STRN3: variants seen among roughly 807,000 people sequenced by gnomAD.
STRN3 encodes striatin-3.
A neutral mutation model predicts 95.6 loss-of-function variants in STRN3; 29 were observed. The observed-to-expected ratio is 0.30, with a 90% CI of 0.23 to 0.41. The LOEUF (loss-of-function observed/expected upper bound fraction) is 0.41. Ranked by LOEUF, STRN3 falls within the 10% of genes least tolerant of loss-of-function variation. The pLI is 1.00. For synonymous variants in STRN3, 331 were observed against 357.6 expected (o/e 0.93, Z 0.84); for missense variants, 890 against 972.1 (o/e 0.92, Z 1.12).
At chr14:30,984,137 A>ACCCCCCCCCCCCCC (rs1555324188) in intron 1 of STRN3, among the ~76,000 whole-genome samples, 3 of 56,142 alleles carry the variant, frequency 5.3e-5, no homozygotes, top group Admixed American at 3.3e-4. Context: ...GCCCCCCCCA[A>ACCCCCCCCCCCCCC]CCCCCCCCCA....
At chr14:30,957,669 T>C (rs1879988241) in intron 1 of STRN3, among the ~76,000 whole-genome samples, 1 of 152,188 alleles carries the variant, frequency 6.6e-6, no homozygotes, top group African/African-American at 2.4e-5. Context: ...TTTATCCTTA[T>C]TTCCTGAAAA....
intron 1 of STRN3, among the ~76,000 whole-genome samples, chr14:31,002,189 CA>C (rs1280490849): frequency 1.1e-5 from 1 of 92,642 alleles, no homozygotes; most frequent in South Asian, 4.7e-4. Flanking sequence ...AAAAAAAAAA[CA>C]AGGCCAGGCG....
chr14:30,984,345 A>C (rs1594539649), intron 1 of STRN3, among the ~76,000 whole-genome samples: 1 of 150,870 alleles, frequency 6.6e-6, no homozygotes. Flanking sequence ...CAGAGACTGC[A>C]GTGAGCTGAG....
intron 1 of STRN3, among the ~76,000 whole-genome samples, chr14:30,992,078 T>TCAACAACAA (rs10667506): frequency 1.3e-5 from 2 of 151,556 alleles, no homozygotes; most frequent in African/African-American, 4.9e-5. Context: ...TATGGAAAAC[T>TCAACAACAA]CAACAACAAC....
At chr14:30,902,143 C>T (rs1197551786) in intron 16 of STRN3, among the ~76,000 whole-genome samples, 1 of 121,474 alleles carries the variant, frequency 8.2e-6, no homozygotes, top group Non-Finnish European at 1.6e-5. Flanking sequence ...TGCACACCAG[C>T]CTGGGCAACA....
chr14:30,949,423 C>T (rs1172620440), intron 4 of STRN3, among the ~76,000 whole-genome samples: 2 of 152,094 alleles, frequency 1.3e-5, no homozygotes, highest in South Asian at 2.1e-4. Context: ...CCATCTTGGC[C>T]AACATGGTGA....
At chr14:30,957,048 C>G (rs1879944162) in intron 1 of STRN3, among the ~76,000 whole-genome samples, 2 of 152,108 alleles carry the variant, frequency 1.3e-5, no homozygotes, top group African/African-American at 4.8e-5. Flanking sequence ...ATCCCAGCTA[C>G]CCGAAAGCCT....
At chr14:31,025,826 T>A in intron 1 of STRN3, 78 bp downstream of exon 1, 1 of 1,534,128 alleles carries the variant, frequency 6.5e-7, no homozygotes, top group Non-Finnish European at 8.7e-7. Context: ...CGGCTCCGGC[T>A]GAGTGGAGTC....
chr14:30,916,744 A>G (rs1023827596), intron 9 of STRN3, among the ~76,000 whole-genome samples: 1 of 152,140 alleles, frequency 6.6e-6, no homozygotes, highest in African/African-American at 2.4e-5. Context: ...TTTTAATTTA[A>G]TGATGGAAAT....
At chr14:30,897,177 G>C (rs922456256) in intron 16 of STRN3, among the ~76,000 whole-genome samples, 4 of 152,094 alleles carry the variant, frequency 2.6e-5, no homozygotes, top group African/African-American at 9.7e-5. Flanking sequence ...CTCTACACTA[G>C]GATATGAAAG....
In STRN3 at chr14:30,902,538, G is replaced by A. The variant is rs150442315; in HGVS notation, c.2135C>T (p.Thr712Met). 138 of 1,581,316 alleles carry A rather than the reference G, an allele frequency of 8.7e-5. No individual in the cohort carries two copies. Among genetic ancestry groups the A allele is most frequent in the Admixed American group, 1.3e-4 (7 of 54,388 alleles). Reference sequence around the variant, plus strand: ...TGAAAAGAAGACAATTTGCTTACCCGTTTTATTGTCAAAAAATTTGATGTG... The same window carrying A: ...TGAAAAGAAGACAATTTGCTTACCCATTTTATTGTCAAAAAATTTGATGTG... ...DRHIKFFDNK[T>M]GKMIHSMVAH... Residue 712 changes from threonine (T) to methionine (M), a missense_variant and splice_region_variant, in exon 16 of 18, where the codon ACG becomes ATG. Physicochemically the swap from Thr to Met is moderately conservative, Grantham distance 81. This residue lies in a region of STRN3 where 357 missense variants were observed against 422.8 expected (regional missense o/e 0.84). Transcript: ENST00000357479.
At chr14:30,917,499 A>G (rs1896770526) in intron 9 of STRN3, among the ~76,000 whole-genome samples, 1 of 152,102 alleles carries the variant, frequency 6.6e-6, no homozygotes, top group Admixed American at 6.6e-5. Flanking sequence ...TGTACTATGC[A>G]TATTTGGCAA....
chr14:30,910,341 T>C (rs1178842711), intron 13 of STRN3, among the ~76,000 whole-genome samples: 1 of 152,234 alleles, frequency 6.6e-6, no homozygotes, highest in Non-Finnish European at 1.5e-5. Context: ...TGTCTCTACT[T>C]TCCATTAGTC....
chr14:30,960,442 G>A (rs548926465), intron 1 of STRN3, among the ~76,000 whole-genome samples: 44 of 152,238 alleles, frequency 2.9e-4, no homozygotes, highest in Admixed American at 1.4e-3. Context: ...CAAAGAAACA[G>A]AACAGAAAGT....
chr14:31,012,154 G>A (rs555491077), intron 1 of STRN3, among the ~76,000 whole-genome samples: 1 of 152,330 alleles, frequency 6.6e-6, no homozygotes, highest in Admixed American at 6.5e-5. Flanking sequence ...TGTTATCTGA[G>A]ATATCTATCA....
intron 1 of STRN3, among the ~76,000 whole-genome samples, chr14:31,009,595 C>A (rs1164387043): frequency 1.5e-5 from 2 of 134,812 alleles, no homozygotes; most frequent in East Asian, 2.1e-4. Context: ...TTACAAAAAA[C>A]CATTGCCAAT....
intron 1 of STRN3, among the ~76,000 whole-genome samples, chr14:30,981,607 C>CACACA (rs1555323903): frequency 4.7e-5 from 7 of 149,912 alleles, no homozygotes; most frequent in African/African-American, 7.4e-5. Context: ...CACACACACA[C>CACACA]CCCATAATTC....
chr14:31,001,540 TA>T (rs879303908), intron 1 of STRN3, among the ~76,000 whole-genome samples: 60 of 136,724 alleles, frequency 4.4e-4, no homozygotes, highest in Non-Finnish European at 3.8e-4. Flanking sequence ...AGACCCCACC[TA>T]AAAAAAAAAA....
chr14:30,900,314 G>A (rs1319558789), intron 16 of STRN3, among the ~76,000 whole-genome samples: 6 of 149,810 alleles, frequency 4.0e-5, no homozygotes, highest in Middle Eastern at 3.2e-3. Flanking sequence ...AGCCGTGATC[G>A]TGCCACTGCA....
Sources: gnomAD v4.1 joint callset for allele counts (sites outside exome capture counted in the v4.1 genomes callset) on GRCh38, gnomAD v4.1.1 for gene constraint, gnomAD v4.1.1 regional missense constraint, MANE v1.5 for transcripts, NCBI Gene and HGNC (gene_info 2026-07-23, HGNC 2026-07-21) for gene names.